Variants in MAGI2 observed in about 807,000 individuals in gnomAD.
MAGI2 encodes membrane associated guanylate kinase, WW and PDZ domain containing 2, also known as membrane-associated guanylate kinase, WW and PDZ domain-containing protein 2.
MAGI2 carries 35 observed loss-of-function variants against 133.3 expected under a neutral mutation model. That is an observed-to-expected ratio of 0.26 (90% CI 0.20 to 0.35). MAGI2 has a LOEUF of 0.35. MAGI2 is among the 10% of genes least tolerant of loss of function. MAGI2 has a pLI of 1.00. For synonymous variants in MAGI2, 729 were observed against 710.6 expected, an observed-to-expected ratio of 1.03 and a Z score of -0.41; for missense variants, 1,636 against 1,863.4, an observed-to-expected ratio of 0.88 and a Z score of 2.25.
chr7:79,449,896 AT>A (rs1849121836), intron 1 of MAGI2, among the ~76,000 whole-genome samples: 2 of 147,646 alleles, frequency 1.4e-5, no homozygotes, highest in Admixed American at 6.8e-5. Context: ...ATATATATAT[AT>A]AATGTCTTAA....
At chr7:79,071,715 G>A (rs1814996077) in intron 1 of MAGI2, among the ~76,000 whole-genome samples, 1 of 152,000 alleles carries the variant, frequency 6.6e-6, no homozygotes, top group South Asian at 2.1e-4. Flanking sequence ...CGGAGCTGTG[G>A]TGGGCTCCAC....
chr7:78,212,528 A>G (rs1170457151), intron 10 of MAGI2, among the ~76,000 whole-genome samples: 1 of 152,150 alleles, frequency 6.6e-6, no homozygotes, highest in Non-Finnish European at 1.5e-5. Flanking sequence ...TCTTCTAACA[A>G]CTACAGAAAA....
intron 21 of MAGI2, among the ~76,000 whole-genome samples, chr7:78,066,171 A>C (rs552947475): frequency 6.6e-6 from 1 of 152,282 alleles, no homozygotes; most frequent in Admixed American, 6.5e-5. Flanking sequence ...TATTAAATTC[A>C]AAATTCATGG....
At chr7:78,204,884 A>G (rs4727630) in intron 10 of MAGI2, among the ~76,000 whole-genome samples, 83,127 of 151,844 alleles carry the variant, frequency 0.55, 22,932 homozygotes, top group Non-Finnish European at 0.57. Context: ...TTATTTTTAA[A>G]TAGATGCGTT....
intron 20 of MAGI2, among the ~76,000 whole-genome samples, chr7:78,085,436 T>G (rs1816509252): frequency 6.6e-6 from 1 of 151,848 alleles, no homozygotes; most frequent in South Asian, 2.1e-4. Flanking sequence ...GGTGGGAGGA[T>G]CACTTGAGCC....
At chr7:78,489,724 C>T (rs776862560) in intron 6 of MAGI2, 37 bp downstream of exon 6, 17 of 1,457,046 alleles carry the variant, frequency 1.2e-5, no homozygotes, top group South Asian at 1.0e-4. Flanking sequence ...ATTCTCAAAG[C>T]ACATTGCTGA....
chr7:78,578,457 GAATA>G (rs1178270999), intron 3 of MAGI2, among the ~76,000 whole-genome samples: 1 of 151,532 alleles, frequency 6.6e-6, no homozygotes, highest in Admixed American at 6.6e-5. Context: ...ATAGAAAAGA[GAATA>G]AATGGAAAAA....
chr7:78,365,389 G>A lies in MAGI2; in HGVS notation c.1103+3767C>T, dbSNP rs923080709. 7.2e-5 allele frequency among the ~76,000 whole-genome samples: 11 copies of A among 152,118 alleles called. No individual in the cohort carries two copies. In the South Asian group the frequency reaches 8.3e-4, roughly 11 times the overall value. On this transcript the variant is annotated intron_variant, in intron 7 of 21. Transcript: ENST00000354212. Reference sequence around the variant, plus strand: ...TCAGACCATTATGGGTTATAAATGCGAAATTTATAGCAGGCATTTTGGGTA... The same window carrying A: ...TCAGACCATTATGGGTTATAAATGCAAAATTTATAGCAGGCATTTTGGGTA...
intron 1 of MAGI2, among the ~76,000 whole-genome samples, chr7:79,054,947 T>C (rs1170086923): frequency 1.3e-5 from 2 of 152,198 alleles, no homozygotes; most frequent in Non-Finnish European, 2.9e-5. Context: ...CACACCACCA[T>C]GACCAGCTAA....
chr7:79,453,055 C>T lies in MAGI2; in HGVS notation c.266G>A (p.Cys89Tyr), dbSNP rs759330052. 1 of 1,609,296 alleles carries T rather than the reference C, an allele frequency of 6.2e-7. No individual in the cohort carries two copies. The highest frequency in any genetic ancestry group is 1.1e-5 in the South Asian group (1 of 90,338). ...IRDVLAVIKH[C>Y]KDPLRLKCVK... ...ACACTTGAGCCGGAGGGGGTCCTTG[C>T]AGTGTTTGATCACGGCCAGCACGTC... The change falls in exon 1 of 22, where the codon TGC becomes TAC. Residue 89 changes from cysteine (C) to tyrosine (Y), a missense_variant. Coordinates refer to ENST00000354212, the MANE Select transcript of MAGI2 (RefSeq NM_012301.4).
chr7:78,173,351 C>T (rs1240979702), intron 14 of MAGI2, among the ~76,000 whole-genome samples: 5 of 152,228 alleles, frequency 3.3e-5, no homozygotes, highest in Admixed American at 1.3e-4. Context: ...GGCCACTCTC[C>T]TCTTGAGCCA....
chr7:78,722,265 A>C (rs1820340546), intron 2 of MAGI2, among the ~76,000 whole-genome samples: 1 of 151,950 alleles, frequency 6.6e-6, no homozygotes, highest in Admixed American at 6.6e-5. Flanking sequence ...ACTAATATCC[A>C]CCAGTAAAAC....
chr7:79,434,066 AT>A (rs1205671103), intron 1 of MAGI2, among the ~76,000 whole-genome samples: 1 of 151,654 alleles, frequency 6.6e-6, no homozygotes, highest in Non-Finnish European at 1.5e-5. Flanking sequence ...GAACAATTTT[AT>A]TTTTCTAAAA....
At chr7:78,417,144 C>T (rs1278178908) in intron 6 of MAGI2, among the ~76,000 whole-genome samples, 1 of 152,034 alleles carries the variant, frequency 6.6e-6, no homozygotes, top group Non-Finnish European at 1.5e-5. Context: ...AATAAAGCTG[C>T]TTTGAGGAAG....
chr7:78,874,637 T>C (rs1795280354), intron 2 of MAGI2, among the ~76,000 whole-genome samples: 1 of 152,042 alleles, frequency 6.6e-6, no homozygotes, highest in South Asian at 2.1e-4. Flanking sequence ...CTAGAAAGCA[T>C]AGGAGGAAAG....
intron 9 of MAGI2, among the ~76,000 whole-genome samples, chr7:78,288,103 A>G (rs1448103443): frequency 6.6e-6 from 1 of 152,194 alleles, no homozygotes; most frequent in Non-Finnish European, 1.5e-5. Context: ...ATATTATTTC[A>G]AACGCATGAG....
At chr7:79,306,574 C>A (rs931675803) in intron 1 of MAGI2, among the ~76,000 whole-genome samples, 6 of 152,040 alleles carry the variant, frequency 3.9e-5, no homozygotes. Flanking sequence ...GAATTTGTCT[C>A]TGTTGAACTT....
At chr7:78,981,929 C>T (rs1008474641) in intron 2 of MAGI2, among the ~76,000 whole-genome samples, 1 of 152,028 alleles carries the variant, frequency 6.6e-6, no homozygotes, top group African/African-American at 2.4e-5. Flanking sequence ...AATTCCCTGG[C>T]TCAGCAGGCA....
Position 79,453,478 on chromosome 7 carries a change from A to G in MAGI2, c.-158T>C, listed in dbSNP as rs1586044562. 1 of 1,440,044 alleles carries G rather than the reference A, an allele frequency of 6.9e-7. No individual in the cohort carries two copies. Among genetic ancestry groups the G allele is most frequent in the Non-Finnish European group, 9.1e-7 (1 of 1,103,138 alleles). 89.2% of individuals were successfully genotyped at this position (1,440,044 alleles called of 1,614,324 possible). A position where few individuals can be genotyped will look rare whatever the true frequency, so the allele number is the denominator to read the frequency against. Reference sequence around the variant, plus strand: ...GGTGCTTTCCCTCTTCTTTGGATGGAGTGTGGACGAGGAATGGGGAGGATG... The same window carrying G: ...GGTGCTTTCCCTCTTCTTTGGATGGGGTGTGGACGAGGAATGGGGAGGATG... On this transcript the variant is annotated 5_prime_UTR_variant, in exon 1 of 22. Coordinates refer to ENST00000354212, the MANE Select transcript of MAGI2 (RefSeq NM_012301.4).
Sources: gnomAD v4.1 joint callset for allele counts (sites outside exome capture counted in the v4.1 genomes callset) on GRCh38, gnomAD v4.1.1 for gene constraint, MANE v1.5 for transcripts, NCBI Gene and HGNC (gene_info 2026-07-23, HGNC 2026-07-21) for gene names.